Variants in GALNT18 observed in about 807,000 individuals in gnomAD.
The protein encoded by GALNT18 is polypeptide N-acetylgalactosaminyltransferase 18.
A neutral mutation model predicts 69.5 loss-of-function variants in GALNT18; 44 were observed. The ratio of observed to expected loss-of-function variants is 0.63; its 90% CI spans 0.50 to 0.81. The LOEUF is 0.81. GALNT18 is among the 40% of genes least tolerant of loss of function. GALNT18 has a pLI of 0.00. For missense variants in GALNT18, 715 were observed against 810.0 expected, an observed-to-expected ratio of 0.88 and a Z score of 1.42; for synonymous variants, 364 against 318.2, an observed-to-expected ratio of 1.14 and a Z score of -1.53.
chr11:11,374,525 C>T lies in GALNT18; in HGVS notation c.978-1896G>A, dbSNP rs142037859. Among the ~76,000 whole-genome samples, 542 of 152,274 alleles carry T rather than the reference C, an allele frequency of 3.6e-3. 2 individuals carry two copies. Among genetic ancestry groups the T allele is most frequent in the Admixed American group, 4.8e-3 (74 of 15,302 alleles). Reference sequence around the variant, plus strand: ...TCCTAGTGTTGGACAGGGCAGGGCACGCTGGAAAAATGCTTTCAGGACACA... The same window carrying T: ...TCCTAGTGTTGGACAGGGCAGGGCATGCTGGAAAAATGCTTTCAGGACACA... On this transcript the variant is annotated intron_variant, in intron 5 of 10. Coordinates refer to ENST00000227756, the MANE Select transcript of GALNT18 (RefSeq NM_198516.3).
chr11:11,401,643 T>C (rs1421996572), intron 3 of GALNT18, among the ~76,000 whole-genome samples: 2 of 152,240 alleles, frequency 1.3e-5, no homozygotes, highest in African/African-American at 4.8e-5. Flanking sequence ...CATTTCACTT[T>C]CGCATATTTA....
intron 1 of GALNT18, among the ~76,000 whole-genome samples, chr11:11,571,210 G>A (rs552142780): frequency 6.6e-6 from 1 of 152,298 alleles, no homozygotes; most frequent in South Asian, 2.1e-4. Flanking sequence ...TGGCTAGTCA[G>A]TGTCAGGACC....
At position 11,372,498 on chromosome 11, in the gene GALNT18, T is replaced by G; in HGVS notation, c.1092+17A>C. On this transcript the variant is annotated intron_variant, in intron 6 of 10. Coordinates refer to ENST00000227756, the MANE Select transcript of GALNT18 (RefSeq NM_198516.3). This position sits in a 1 kb window ranked among gnomAD's most constrained non-coding sequence, Gnocchi z 4.9. ...TGGGAGCTGAGCCGAGCAGTTTGAG[T>G]GAGAAACCCCACTCACCCTGATCCC... 4.4e-6 allele frequency: 7 copies of G among 1,603,866 alleles called. No individual in the cohort carries two copies. The highest frequency in any genetic ancestry group is 6.0e-6 in the Non-Finnish European group (7 of 1,170,832).
intron 3 of GALNT18, among the ~76,000 whole-genome samples, chr11:11,397,855 A>G (rs746387341): frequency 9.9e-5 from 15 of 152,226 alleles, no homozygotes; most frequent in Non-Finnish European, 1.6e-4. Flanking sequence ...CTGTTAGAAC[A>G]GTTAAGAAGA....
At chr11:11,588,072 C>A (rs992522442) in intron 1 of GALNT18, among the ~76,000 whole-genome samples, 2 of 152,088 alleles carry the variant, frequency 1.3e-5, no homozygotes, top group African/African-American at 2.4e-5. Context: ...TTTCAGTGCT[C>A]AGTTCAAATA....
chr11:11,591,097 G>A lies in GALNT18; in HGVS notation c.235+30262C>T, dbSNP rs940282215. Reference sequence around the variant, plus strand: ...CTCTATGCATGTTATTGCCCAATGGGACAAGATGTGGAGGTGGAAGACAGT... The same window carrying A: ...CTCTATGCATGTTATTGCCCAATGGAACAAGATGTGGAGGTGGAAGACAGT... On this transcript the variant is annotated intron_variant, in intron 1 of 10. Transcript: ENST00000227756. The surrounding 1 kb of genome is among the most constrained non-coding windows in gnomAD (Gnocchi z 4.8). Among the ~76,000 whole-genome samples the A allele has an allele frequency of 2.6e-5, 4 of 151,946 alleles. No homozygotes were observed. Among genetic ancestry groups the A allele is most frequent in the Non-Finnish European group, 4.4e-5 (3 of 68,000 alleles).
chr11:11,621,584 T>C lies in GALNT18; in HGVS notation c.10A>G (p.Thr4Ala). ...GACACCAAAGTTTTGGTCTTCCTGG[T>C]GCACACCATTCTGGGCTCCTTCCTC... Reference protein sequence around the residue: MVCTRKTKTLVSTC... With the variant: MVCARKTKTLVSTC... Residue 4 changes from threonine to alanine, a missense_variant, in exon 1 of 11, where the codon ACC becomes GCC. By Grantham distance (58) the Thr-to-Ala change is moderately conservative. Transcript: ENST00000227756. The surrounding 1 kb of genome is among the most constrained non-coding windows in gnomAD (Gnocchi z 9.3). 1 of 1,597,620 alleles carries C rather than the reference T, an allele frequency of 6.3e-7. No homozygotes were observed. Among genetic ancestry groups the C allele is most frequent in the Non-Finnish European group, 8.5e-7 (1 of 1,171,284 alleles).
chr11:11,575,020 T>C (rs147289122), intron 1 of GALNT18, among the ~76,000 whole-genome samples: 1 of 152,374 alleles, frequency 6.6e-6, no homozygotes, highest in East Asian at 1.9e-4. Flanking sequence ...TGTGCCTGGC[T>C]GAGTACTGCT....
intron 9 of GALNT18, among the ~76,000 whole-genome samples, chr11:11,323,511 G>A (rs2133040846): frequency 6.6e-6 from 1 of 152,336 alleles, no homozygotes; most frequent in Non-Finnish European, 1.5e-5. Flanking sequence ...GGTCCACTGG[G>A]GTGCCAGCAT....
At chr11:11,532,190 A>C (rs1352446210) in intron 1 of GALNT18, among the ~76,000 whole-genome samples, 1 of 152,186 alleles carries the variant, frequency 6.6e-6, no homozygotes, top group Non-Finnish European at 1.5e-5. Flanking sequence ...AAAAAAACGC[A>C]GGAGAAAGCA....
intron 9 of GALNT18, among the ~76,000 whole-genome samples, chr11:11,302,541 T>C (rs1359979383): frequency 1.3e-5 from 2 of 152,212 alleles, no homozygotes; most frequent in Middle Eastern, 3.4e-3. Context: ...CAAAGTGCCT[T>C]GACACAGATG....
chr11:11,597,360 G>T (rs138820218), intron 1 of GALNT18, among the ~76,000 whole-genome samples: 1 of 152,142 alleles, frequency 6.6e-6, no homozygotes, highest in African/African-American at 2.4e-5. Flanking sequence ...ATGAAGAACT[G>T]GTATTGATTA....
In GALNT18 at chr11:11,289,324, C is replaced by T. The variant is rs190475790; in HGVS notation, c.1677+3705G>A. Among the ~76,000 whole-genome samples the T allele has an allele frequency of 2.3e-3, 352 of 152,286 alleles. 1 individual carries two copies. The highest frequency in any genetic ancestry group is 3.6e-3 in the Non-Finnish European group (247 of 68,026). ...TCAAAAATAGTATTTCCAAACAGTT[C>T]CCTTTTGTAGAAGGATCAAATATAT... On this transcript the variant is annotated intron_variant, in intron 10 of 10. Transcript: ENST00000227756.
intron 6 of GALNT18, among the ~76,000 whole-genome samples, chr11:11,346,835 C>T (rs1850312664): frequency 6.6e-6 from 1 of 152,088 alleles, no homozygotes; most frequent in Non-Finnish European, 1.5e-5. Flanking sequence ...CCCAGAAATA[C>T]AAGAAAGCAT....
intron 10 of GALNT18, among the ~76,000 whole-genome samples, chr11:11,273,918 G>T (rs1008907905): frequency 6.6e-6 from 1 of 152,196 alleles, no homozygotes; most frequent in African/African-American, 2.4e-5. Context: ...GAATAGCTCC[G>T]GTCTGCAGCT....
chr11:11,298,016 G>A (rs185213117), intron 9 of GALNT18, among the ~76,000 whole-genome samples: 14 of 152,318 alleles, frequency 9.2e-5, no homozygotes, highest in African/African-American at 2.9e-4. Flanking sequence ...AGCTGGCCAG[G>A]GAGACCACAG....
intron 1 of GALNT18, among the ~76,000 whole-genome samples, chr11:11,458,059 T>C (rs1219583863): frequency 1.3e-5 from 2 of 152,174 alleles, no homozygotes; most frequent in African/African-American, 2.4e-5. Context: ...CAGATGGTCC[T>C]GTCTCCTGGT....
At position 11,402,266 on chromosome 11, in the gene GALNT18, G is replaced by A. The variant is rs932748489; in HGVS notation, c.596-23002C>T. ...AGATTGTCTTAAACGATCCAGCCTGGTGGAATTAGATTTCTTTCCTCTTCA... is the reference window on the plus strand; with the variant it reads ...AGATTGTCTTAAACGATCCAGCCTGATGGAATTAGATTTCTTTCCTCTTCA... On this transcript the variant is annotated intron_variant, in intron 3 of 10. Transcript: ENST00000227756. This position sits in a 1 kb window ranked among gnomAD's most constrained non-coding sequence, Gnocchi z 4.0. Among the ~76,000 whole-genome samples the A allele has an allele frequency of 6.6e-6, 1 of 152,216 alleles. No individual in the cohort carries two copies. Among genetic ancestry groups the A allele is most frequent in the African/African-American group, 2.4e-5 (1 of 41,450 alleles).
chr11:11,327,810 A>G (rs1353369829), intron 8 of GALNT18, among the ~76,000 whole-genome samples: 1 of 152,196 alleles, frequency 6.6e-6, no homozygotes, highest in African/African-American at 2.4e-5. Flanking sequence ...AAGACAGCTT[A>G]TATTCAATGT....
Sources: gnomAD v4.1 joint callset for allele counts (sites outside exome capture counted in the v4.1 genomes callset) on GRCh38, gnomAD v4.1.1 for gene constraint, Gnocchi (gnomAD v3.1) non-coding constraint, MANE v1.5 for transcripts, NCBI Gene and HGNC (gene_info 2026-07-23, HGNC 2026-07-21) for gene names.